Variants in NME5 observed in about 807,000 individuals in gnomAD.
The protein encoded by NME5 is NME/NM23 family member 5.
Under a neutral mutation model 21.6 loss-of-function variants are expected in NME5, and 18 were observed. The ratio of observed to expected loss-of-function variants is 0.83; its 90% CI spans 0.58 to 1.24. The LOEUF (loss-of-function observed/expected upper bound fraction) is 1.24, where lower values mean the gene tolerates loss of function less well. Ranked by LOEUF, NME5 falls within the 50% of genes most tolerant of loss-of-function variation. The pLI, the probability that NME5 is intolerant of heterozygous loss-of-function variation, is 0.00. For missense variants in NME5, 223 were observed against 255.4 expected (o/e 0.87, Z 0.86); for synonymous variants, 70 against 80.6 (o/e 0.87, Z 0.71).
chr5:138,133,308 G>A lies in NME5; in HGVS notation c.130-3840C>T, dbSNP rs567275929. On this transcript the variant is annotated intron_variant, in intron 2 of 5. Coordinates refer to ENST00000265191, the MANE Select transcript of NME5 (RefSeq NM_003551.3). ...TTTTTAGTAGAGACGGGGTTTCACC[G>A]TGTTAGCCAGGATGGTCTTGATCTC... Among the ~76,000 whole-genome samples the A allele has an allele frequency of 1.5e-3, 220 of 151,658 alleles. 1 individual carries two copies. Among genetic ancestry groups the A allele is most frequent in the Non-Finnish European group, 2.6e-3 (176 of 67,944 alleles).
chr5:138,116,862 A>T (rs1751168693), intron 5 of NME5, among the ~76,000 whole-genome samples: 1 of 152,168 alleles, frequency 6.6e-6, no homozygotes, highest in Non-Finnish European at 1.5e-5. Flanking sequence ...ACCACACCAT[A>T]TACAAAAATG....
rs1213675304 is a variant in NME5, at chr5:138,131,735, CT to C, written c.130-2268del. Among the ~76,000 whole-genome samples, 981 of 144,588 alleles carry C rather than the reference CT, an allele frequency of 6.8e-3. 3 individuals are homozygous for C. The highest frequency in any genetic ancestry group is 8.9e-3 in the Non-Finnish European group (582 of 65,744). The allele number at this position is 144,588 out of a possible 152,430, so 94.9% of individuals were successfully genotyped here. A position where few individuals can be genotyped will look rare whatever the true frequency, so the allele number is the denominator to read the frequency against. On this transcript the variant is annotated intron_variant, in intron 2 of 5. Transcript: ENST00000265191. ...TCTCTAGAAGCAGCTATTTTGAGTG[CT>C]TTTTTTTTTTTTTATTTTTTTGAAA...
intron 5 of NME5, among the ~76,000 whole-genome samples, chr5:138,118,404 C>T (rs1027234345): frequency 1.3e-5 from 2 of 151,964 alleles, no homozygotes; most frequent in Admixed American, 1.3e-4. Flanking sequence ...GGATAATAGG[C>T]GTGAGCCACT....
chr5:138,134,765 A>T (rs1490887139), intron 2 of NME5, among the ~76,000 whole-genome samples: 2 of 145,400 alleles, frequency 1.4e-5, no homozygotes, highest in Non-Finnish European at 3.0e-5. Context: ...TCGCTCTGTC[A>T]CCCAGGCTGG....
chr5:138,131,217 A>G (rs1458099423), intron 2 of NME5, among the ~76,000 whole-genome samples: 1 of 150,404 alleles, frequency 6.6e-6, no homozygotes, highest in Non-Finnish European at 1.5e-5. Context: ...AAAAAAAAAA[A>G]AAAAAAAAAA....
At chr5:138,131,376 C>G (rs184801614) in intron 2 of NME5, among the ~76,000 whole-genome samples, 1 of 149,512 alleles carries the variant, frequency 6.7e-6, no homozygotes, top group Admixed American at 6.7e-5. Context: ...AGTGAAACTC[C>G]GTCAAAAAAA....
intron 1 of NME5, 164 bp downstream of exon 1, chr5:138,139,207 G>A: frequency 4.3e-6 from 1 of 233,990 alleles, no homozygotes; most frequent in Non-Finnish European, 7.1e-6. Context: ...CATTACAGCG[G>A]CGGGTGAGCG....
At chr5:138,120,441 T>C (rs936275711) in intron 4 of NME5, among the ~76,000 whole-genome samples, 2 of 152,078 alleles carry the variant, frequency 1.3e-5, no homozygotes, top group Admixed American at 6.6e-5. Context: ...GGTTTCACCA[T>C]GTTAGCCAGG....
chr5:138,134,662 G>A (rs1023646480), intron 2 of NME5, among the ~76,000 whole-genome samples: 1 of 151,484 alleles, frequency 6.6e-6, no homozygotes, highest in African/African-American at 2.4e-5. Flanking sequence ...TTACAGGATT[G>A]AGCCACCACG....
chr5:138,116,693 G>A (rs1751163819), intron 5 of NME5: 1 of 153,448 alleles, frequency 6.5e-6, no homozygotes, highest in African/African-American at 2.4e-5. Flanking sequence ...AAAAGAATGA[G>A]AATCCAGGAA....
chr5:138,129,144 T>G, intron 3 of NME5, 119 bp downstream of exon 3: 1 of 787,534 alleles, frequency 1.3e-6, no homozygotes, highest in South Asian at 1.8e-5. Context: ...CCCAAAAAAG[T>G]TGATTTTGGA....
At position 138,123,307 on chromosome 5, in the gene NME5, T is replaced by C. The variant is rs543414685; in HGVS notation, c.437-4371A>G. On this transcript the variant is annotated intron_variant, in intron 4 of 5. Transcript: ENST00000265191. ...TTCAACAACACATTATTATTAACTA[T>C]AGTCACCATGTTGAACTTATTCCTA... 3.9e-5 allele frequency among the ~76,000 whole-genome samples: 6 copies of C among 152,286 alleles called. No homozygotes were observed. In the South Asian group the frequency reaches 1.2e-3, roughly 32 times the overall value.
chr5:138,133,910 G>A (rs1751630716), intron 2 of NME5, among the ~76,000 whole-genome samples: 2 of 151,840 alleles, frequency 1.3e-5, no homozygotes, highest in Non-Finnish European at 2.9e-5. Flanking sequence ...CAGTAGTGAT[G>A]GTTGTACAAC....
intron 2 of NME5, among the ~76,000 whole-genome samples, chr5:138,132,130 C>A (rs1751584283): frequency 6.6e-6 from 1 of 152,186 alleles, no homozygotes; most frequent in South Asian, 2.1e-4. Flanking sequence ...GAGACCGAGG[C>A]AGGCGGACTG....
In NME5 at chr5:138,129,377, A is replaced by G. The variant is rs2151165382; in HGVS notation, c.221T>C (p.Met74Thr). The G allele has an allele frequency of 6.2e-7, 1 of 1,613,924 alleles. No individual in the cohort carries two copies. The highest frequency in any genetic ancestry group is 2.2e-5 in the East Asian group (1 of 44,876). ...KMFFPNLTAY[M>T]SSGPLVAMIL... Reference sequence around the variant, plus strand: ...CATGGCGACAAGTGGTCCAGAACTCATGTAAGCTGTTAAGTTGGGGAAAAA... The same window carrying G: ...CATGGCGACAAGTGGTCCAGAACTCGTGTAAGCTGTTAAGTTGGGGAAAAA... The change falls in exon 3 of 6, where the codon ATG (methionine) becomes ACG (threonine). Residue 74 changes from methionine to threonine, a missense_variant. Met to Thr is a moderately conservative substitution (Grantham distance 81). Transcript: ENST00000265191.
chr5:138,130,323 G>A (rs1561590211), intron 2 of NME5, among the ~76,000 whole-genome samples: 1 of 152,102 alleles, frequency 6.6e-6, no homozygotes, highest in Non-Finnish European at 1.5e-5. Flanking sequence ...ATTAGAGGTG[G>A]TGAGCCATGA....
intron 4 of NME5, among the ~76,000 whole-genome samples, chr5:138,123,507 C>T (rs1751332383): frequency 1.3e-5 from 2 of 152,108 alleles, no homozygotes; most frequent in Admixed American, 6.6e-5. Context: ...AATATAATGT[C>T]CTCCAGGTTC....
At chr5:138,131,735 CTTTTT>C (rs1213675304) in intron 2 of NME5, among the ~76,000 whole-genome samples, 1 of 144,844 alleles carries the variant, frequency 6.9e-6, no homozygotes, top group Admixed American at 6.9e-5. Context: ...ATTTTGAGTG[CTTTTT>C]TTTTTTTTTA....
intron 3 of NME5, 133 bp downstream of exon 3, chr5:138,129,130 G>GC (rs1311357753): frequency 7.4e-6 from 5 of 671,984 alleles, no homozygotes; most frequent in South Asian, 5.9e-5. Context: ...GCCACCCTCT[G>GC]CCCCCCAAAA....
Sources: gnomAD v4.1 joint callset for allele counts (sites outside exome capture counted in the v4.1 genomes callset) on GRCh38, gnomAD v4.1.1 for gene constraint, MANE v1.5 for transcripts, NCBI Gene and HGNC (gene_info 2026-07-23, HGNC 2026-07-21) for gene names.